Variants in CRTC1 observed in about 807,000 individuals in gnomAD.
CRTC1 encodes CREB regulated transcription coactivator 1, also known as CREB-regulated transcription coactivator 1.
A neutral mutation model predicts 66.1 loss-of-function variants in CRTC1; 18 were observed. The observed-to-expected ratio is 0.27, with a 90% CI of 0.19 to 0.40. CRTC1 has a LOEUF of 0.40. Ranked by LOEUF, CRTC1 falls within the 10% of genes least tolerant of loss-of-function variation. CRTC1 has a pLI of 1.00. For missense variants in CRTC1, 669 were observed against 887.9 expected (o/e 0.75, Z 3.13); for synonymous variants, 416 against 398.8 (o/e 1.04, Z -0.51).
At chr19:18,688,717 T>C (rs1388186425) in intron 1 of CRTC1, among the ~76,000 whole-genome samples, 3 of 151,888 alleles carry the variant, frequency 2.0e-5, no homozygotes, top group Non-Finnish European at 4.4e-5. Context: ...GGATTACAGG[T>C]GTGAGCCACG....
intron 6 of CRTC1, among the ~76,000 whole-genome samples, chr19:18,759,269 G>A (rs1479230626): frequency 6.6e-6 from 1 of 152,226 alleles, no homozygotes; most frequent in Admixed American, 6.5e-5. Flanking sequence ...TCTGAAAAGA[G>A]ACTGCCCACT....
chr19:18,690,698 G>GT, intron 1 of CRTC1, among the ~76,000 whole-genome samples: 1 of 152,230 alleles, frequency 6.6e-6, no homozygotes, highest in East Asian at 1.9e-4. Flanking sequence ...TCCTGGGGGG[G>GT]TGGCCCTAAA....
chr19:18,765,038 C>T (rs1009454577), intron 8 of CRTC1, among the ~76,000 whole-genome samples: 10 of 152,346 alleles, frequency 6.6e-5, no homozygotes, highest in African/African-American at 1.9e-4. Context: ...GCCCCACACA[C>T]GGCTTCAGAC....
chr19:18,763,570 C>G (rs185496914), intron 8 of CRTC1, among the ~76,000 whole-genome samples: 14 of 152,322 alleles, frequency 9.2e-5, no homozygotes, highest in Non-Finnish European at 1.8e-4. Context: ...AGAAGTCACC[C>G]CCATTGTTAA....
chr19:18,782,242 G>T lies in CRTC1; in HGVS notation c.*4860G>T, dbSNP rs548959177. 4.4e-6 allele frequency: 1 copy of T among 225,194 alleles called. No homozygotes were observed. The highest frequency in any genetic ancestry group is 8.9e-6 in the Non-Finnish European group (1 of 112,964). 13.9% of individuals were successfully genotyped at this position (225,194 alleles called of 1,614,324 possible). A position where few individuals can be genotyped will look rare whatever the true frequency, so the allele number is the denominator to read the frequency against. On this transcript the variant is annotated 3_prime_UTR_variant, in exon 14 of 14. Transcript: ENST00000321949. ...CAGGCGGCTCAGGGCACACTCGGCC[G>T]TCCCTGCCCCATCCTCTGGCAGGGC...
intron 1 of CRTC1, among the ~76,000 whole-genome samples, chr19:18,711,985 G>A (rs976341051): frequency 6.6e-6 from 1 of 152,152 alleles, no homozygotes. Flanking sequence ...GTCTTGCTCT[G>A]TTGCCCAGGC....
rs777462054 is a variant in CRTC1 at position 18,747,134 on chromosome 19, C to T, written c.443+20C>T. Reference sequence around the variant, plus strand: ...GAGAAGGTCAGTGGCTGGACACCCCCCCCCCGCCCCCTTCTTGTTGGAAAC... The same window carrying T: ...GAGAAGGTCAGTGGCTGGACACCCCTCCCCCGCCCCCTTCTTGTTGGAAAC... On this transcript the variant is annotated intron_variant, in intron 4 of 13. Transcript: ENST00000321949. 1 of 835,318 alleles carries T rather than the reference C, an allele frequency of 1.2e-6. No homozygotes were observed. Among genetic ancestry groups the T allele is most frequent in the Non-Finnish European group, 1.9e-6 (1 of 534,148 alleles). 51.7% of individuals were successfully genotyped at this position (835,318 alleles called of 1,614,324 possible). A position where few individuals can be genotyped will look rare whatever the true frequency, so the allele number is the denominator to read the frequency against.
At chr19:18,701,917 GTTTTGTT>G (rs2053150378) in intron 1 of CRTC1, among the ~76,000 whole-genome samples, 1 of 138,874 alleles carries the variant, frequency 7.2e-6, no homozygotes, top group African/African-American at 2.7e-5. Flanking sequence ...CGCGCCCACC[GTTTTGTT>G]TTTTTTTTTT....
At chr19:18,757,136 C>T (rs1290431835) in intron 6 of CRTC1, among the ~76,000 whole-genome samples, 2 of 152,334 alleles carry the variant, frequency 1.3e-5, no homozygotes, top group African/African-American at 4.8e-5. Flanking sequence ...TGAAAGAACT[C>T]AGCCAGAAGT....
At position 18,777,520 on chromosome 19, in the gene CRTC1, C is replaced by T. The variant is rs534228375; in HGVS notation, c.*138C>T. On this transcript the variant is annotated 3_prime_UTR_variant, in exon 14 of 14. Coordinates refer to ENST00000321949, the MANE Select transcript of CRTC1 (RefSeq NM_015321.3). This position sits in a 1 kb window ranked among gnomAD's most constrained non-coding sequence, Gnocchi z 5.5. ...TGCCGCCAAGCGCCCCCCGCCAGCC[C>T]GCCCCCGGTTGTCCACCTCCCGCGA... The T allele has an allele frequency of 3.1e-5, 25 of 817,826 alleles. No individual in the cohort carries two copies. Among genetic ancestry groups the T allele is most frequent in the Middle Eastern group, 3.0e-4 (1 of 3,284 alleles). 50.7% of individuals were successfully genotyped at this position (817,826 alleles called of 1,614,324 possible).
At chr19:18,767,741 C>G (rs1478556667) in intron 9 of CRTC1, among the ~76,000 whole-genome samples, 2 of 152,216 alleles carry the variant, frequency 1.3e-5, no homozygotes, top group Non-Finnish European at 2.9e-5. Context: ...AATCTGACAC[C>G]TGCCCCTTCC....
intron 6 of CRTC1, among the ~76,000 whole-genome samples, chr19:18,755,890 C>T (rs2054473116): frequency 6.6e-6 from 1 of 152,054 alleles, no homozygotes. Context: ...GCATGAGCCA[C>T]CTCGCCTGGC....
chr19:18,728,157 G>A (rs1196430484), intron 1 of CRTC1, among the ~76,000 whole-genome samples: 1 of 152,170 alleles, frequency 6.6e-6, no homozygotes, highest in African/African-American at 2.4e-5. Flanking sequence ...GATGGACCAA[G>A]GGGGACTCTG....
intron 1 of CRTC1, among the ~76,000 whole-genome samples, chr19:18,708,923 T>G (rs889252076): frequency 6.6e-6 from 1 of 152,178 alleles, no homozygotes; most frequent in African/African-American, 2.4e-5. Flanking sequence ...GCCACCCTGG[T>G]GACTCCTCCC....
chr19:18,777,266 C>T lies in CRTC1; in HGVS notation c.1789C>T (p.Leu597=). 2 of 1,612,550 alleles carry T rather than the reference C, an allele frequency of 1.2e-6. No individual in the cohort carries two copies. The highest frequency in any genetic ancestry group is 8.5e-7 in the Non-Finnish European group (1 of 1,179,932). ...VSFDSDSQFP[L]DELKIDPLTL... is the part of the protein sequence containing the mutation. Reference sequence around the variant, plus strand: ...CTTCGACTCCGACAGCCAGTTTCCCCTGGACGAACTCAAGATCGACCCCCT... The same window carrying T: ...CTTCGACTCCGACAGCCAGTTTCCCTTGGACGAACTCAAGATCGACCCCCT... The change falls in exon 14 of 14, where the codon CTG becomes TTG. Residue 597 remains leucine, a synonymous_variant. Coordinates refer to ENST00000321949, the MANE Select transcript of CRTC1 (RefSeq NM_015321.3). This position sits in a 1 kb window ranked among gnomAD's most constrained non-coding sequence, Gnocchi z 5.5.
intron 1 of CRTC1, chr19:18,735,617 G>T (rs2053980888): frequency 6.6e-6 from 1 of 152,260 alleles, no homozygotes; most frequent in African/African-American, 2.4e-5. Flanking sequence ...AGCCCTTAGG[G>T]GAAGAGTCCT....
In CRTC1 at chr19:18,777,436, C is replaced by T. The variant is rs778444140; in HGVS notation, c.*54C>T. 26 of 1,493,988 alleles carry T rather than the reference C, an allele frequency of 1.7e-5. No individual in the cohort carries two copies. The African/African-American group carries it at 2.3e-4, about 13-fold the overall frequency. 92.5% of individuals were successfully genotyped at this position (1,493,988 alleles called of 1,614,324 possible). A position where few individuals can be genotyped will look rare whatever the true frequency, so the allele number is the denominator to read the frequency against. On this transcript the variant is annotated 3_prime_UTR_variant, in exon 14 of 14. Transcript: ENST00000321949. This position sits in a 1 kb window ranked among gnomAD's most constrained non-coding sequence, Gnocchi z 5.5. ...CCGTCCCGACGGCGCCTCCCCAGCC[C>T]GGGGACGGCCGTGCTCCGTCCCTCG...
intron 3 of CRTC1, among the ~76,000 whole-genome samples, chr19:18,746,244 G>T (rs2054233450): frequency 6.6e-6 from 1 of 152,132 alleles, no homozygotes; most frequent in South Asian, 2.1e-4. Context: ...ACCACAGAGG[G>T]CTTAGACACC....
intron 8 of CRTC1, among the ~76,000 whole-genome samples, chr19:18,763,916 C>CT (rs1237793099): frequency 5.9e-5 from 9 of 152,212 alleles, no homozygotes; most frequent in African/African-American, 1.9e-4. Context: ...GGTCGTGACT[C>CT]TGAGTGTGCT....
Sources: gnomAD v4.1 joint callset for allele counts (sites outside exome capture counted in the v4.1 genomes callset) on GRCh38, gnomAD v4.1.1 for gene constraint, Gnocchi (gnomAD v3.1) non-coding constraint, MANE v1.5 for transcripts, NCBI Gene and HGNC (gene_info 2026-07-23, HGNC 2026-07-21) for gene names.